ABTB2: variants seen among roughly 807,000 people sequenced by gnomAD.
ABTB2 encodes the protein ankyrin repeat and BTB domain containing 2, also known as ankyrin repeat and BTB/POZ domain-containing protein 2.
In ABTB2, 56 loss-of-function variants were observed where a neutral mutation model predicts 104.1. The observed-to-expected ratio is 0.54, with a 90% confidence interval of 0.43 to 0.67. ABTB2 has a LOEUF of 0.67. ABTB2 is among the 30% of genes least tolerant of loss of function. The pLI is 0.00. For synonymous variants in ABTB2, 606 were observed against 608.2 expected, an observed-to-expected ratio of 1.00 and a Z score of 0.05; for missense variants, 1,279 against 1,407.7, an observed-to-expected ratio of 0.91 and a Z score of 1.46.
At chr11:34,345,180 C>A (rs1425727930) in intron 1 of ABTB2, among the ~76,000 whole-genome samples, 2 of 152,224 alleles carry the variant, frequency 1.3e-5, no homozygotes, top group Non-Finnish European at 1.5e-5. Context: ...GCCTACCCCA[C>A]TAACCACCCC....
chr11:34,237,655 G>C (rs1853863252), intron 1 of ABTB2, among the ~76,000 whole-genome samples: 1 of 152,184 alleles, frequency 6.6e-6, no homozygotes, highest in Non-Finnish European at 1.5e-5. Flanking sequence ...AGCACTTTGG[G>C]AGGCCAAGGT....
At chr11:34,312,150 A>AAAAAG (rs2133105692) in intron 1 of ABTB2, among the ~76,000 whole-genome samples, 1 of 151,874 alleles carries the variant, frequency 6.6e-6, no homozygotes, top group East Asian at 1.9e-4. Context: ...CAAAAAAAAA[A>AAAAAG]AAAAAGAAAA....
chr11:34,324,063 A>C (rs539672485), intron 1 of ABTB2, among the ~76,000 whole-genome samples: 1 of 151,914 alleles, frequency 6.6e-6, no homozygotes, highest in African/African-American at 2.4e-5. Flanking sequence ...GGTGCCTGCC[A>C]CCATACCCAG....
At chr11:34,262,028 C>T (rs532848195) in intron 1 of ABTB2, among the ~76,000 whole-genome samples, 1 of 152,244 alleles carries the variant, frequency 6.6e-6, no homozygotes, top group South Asian at 2.1e-4. Context: ...ACAGTGAGTC[C>T]AGCACCCAAC....
Position 34,197,466 on chromosome 11 carries a change from C to T in ABTB2, c.1103G>A (p.Arg368His), listed in dbSNP as rs560825781. The T allele has an allele frequency of 2.2e-5, 35 of 1,588,668 alleles. No homozygotes were observed. The highest frequency in any genetic ancestry group is 1.9e-4 in the African/African-American group (14 of 74,394). Residue 368 changes from arginine to histidine, a missense_variant, in exon 3 of 17, where the codon CGC becomes CAC. Transcript: ENST00000435224. ...GGGCTGTGGCGGCTGGCGGGCCTGG[C>T]GGGCAGGGCTGGCACCCGGGCACAG... ...HPLCPGASPA[R>H]QARQPPQPIT... is the part of the protein sequence containing the mutation.
chr11:34,262,574 G>A (rs1854200242), intron 1 of ABTB2, among the ~76,000 whole-genome samples: 1 of 152,038 alleles, frequency 6.6e-6, no homozygotes. Context: ...CAAATCTATC[G>A]CCAGCCCACC....
rs1216120119 is a variant in ABTB2 at position 34,161,040 on chromosome 11, T to A, written c.2260A>T (p.Thr754Ser). ...KLHIWIESLRTSFSQSRYSVV... is the reference protein window; with the variant it reads ...KLHIWIESLRSSFSQSRYSVV... ...GAGTACCGCGACTGCGAGAACGAGG[T>A]CCTCAGAGACTCGATCCAGATGTGC... is the stretch of plus-strand genomic sequence containing the variant. Residue 754 changes from threonine to serine, a missense_variant, in exon 11 of 17, where the codon ACC becomes TCC. By Grantham distance (58) the Thr-to-Ser change is moderately conservative. Coordinates refer to ENST00000435224, the MANE Select transcript of ABTB2 (RefSeq NM_145804.3). 2 of 1,610,616 alleles carry A rather than the reference T, an allele frequency of 1.2e-6. No homozygotes were observed. The highest frequency in any genetic ancestry group is 1.7e-6 in the Non-Finnish European group (2 of 1,179,064).
At chr11:34,277,479 T>TAAA (rs201314445) in intron 1 of ABTB2, among the ~76,000 whole-genome samples, 1 of 143,956 alleles carries the variant, frequency 6.9e-6, no homozygotes, top group Admixed American at 7.0e-5. Flanking sequence ...ATGTCTTATT[T>TAAA]AAAAAAAAAA....
intron 1 of ABTB2, among the ~76,000 whole-genome samples, chr11:34,279,835 C>T (rs1854429386): frequency 7.1e-6 from 1 of 140,228 alleles, no homozygotes; most frequent in Admixed American, 7.7e-5. Flanking sequence ...GTCACCCAGG[C>T]TGGAGTGCAA....
At chr11:34,167,795 C>T (rs1456709916) in intron 6 of ABTB2, 108 bp downstream of exon 6, 3 of 1,146,070 alleles carry the variant, frequency 2.6e-6, no homozygotes, top group Middle Eastern at 2.3e-4. Context: ...TCTTTTGACA[C>T]ACATCTACTC....
At chr11:34,187,511 T>TC (rs1465630536) in intron 3 of ABTB2, among the ~76,000 whole-genome samples, 1 of 151,416 alleles carries the variant, frequency 6.6e-6, no homozygotes, top group Non-Finnish European at 1.5e-5. Flanking sequence ...TTTTTTTTTT[T>TC]TGGTGAGATG....
chr11:34,343,452 C>G (rs888924345), intron 1 of ABTB2, among the ~76,000 whole-genome samples: 1 of 93,992 alleles, frequency 1.1e-5, no homozygotes. Flanking sequence ...TTAAGACAGA[C>G]AGACAGACAC....
intron 11 of ABTB2, 71 bp from the exon 12 acceptor site, chr11:34,160,424 G>T: frequency 8.8e-7 from 1 of 1,134,086 alleles, no homozygotes; most frequent in Non-Finnish European, 1.3e-6. Context: ...AGATACGTCA[G>T]GCTAATTTCA....
intron 14 of ABTB2, among the ~76,000 whole-genome samples, chr11:34,156,263 A>G (rs1215694420): frequency 6.6e-6 from 1 of 152,182 alleles, no homozygotes; most frequent in Non-Finnish European, 1.5e-5. Context: ...GAGCCTTGCT[A>G]TGGGAGCTGG....
At chr11:34,241,730 T>A (rs1853918463) in intron 1 of ABTB2, among the ~76,000 whole-genome samples, 1 of 152,204 alleles carries the variant, frequency 6.6e-6, no homozygotes, top group Non-Finnish European at 1.5e-5. Flanking sequence ...CCATCTCAAT[T>A]TTCTTCAGAA....
chr11:34,251,777 C>T (rs571944124), intron 1 of ABTB2, among the ~76,000 whole-genome samples: 6 of 152,192 alleles, frequency 3.9e-5, no homozygotes, highest in African/African-American at 1.4e-4. Flanking sequence ...CACAACTGTT[C>T]CTCAGGAAAC....
Position 34,357,609 on chromosome 11 carries a change from C to A in ABTB2, c.-26G>T. On this transcript the variant is annotated 5_prime_UTR_variant, in exon 1 of 17. Transcript: ENST00000435224. Reference sequence around the variant, plus strand: ...GGGGAGCCTGCCGAGGGCGGCGTCGCCGAGCGAGGGGCACTCACAACTCCA... The same window carrying A: ...GGGGAGCCTGCCGAGGGCGGCGTCGACGAGCGAGGGGCACTCACAACTCCA... 1 of 1,487,690 alleles carries A rather than the reference C, an allele frequency of 6.7e-7. No individual in the cohort carries two copies. The highest frequency in any genetic ancestry group is 8.9e-7 in the Non-Finnish European group (1 of 1,117,492). 92.2% of individuals were successfully genotyped at this position (1,487,690 alleles called of 1,614,324 possible).
intron 3 of ABTB2, among the ~76,000 whole-genome samples, chr11:34,195,463 C>T (rs73507454): frequency 0.023 from 3,431 of 152,306 alleles, 89 homozygotes; most frequent in African/African-American, 0.058. Flanking sequence ...GGTGGCCCTC[C>T]TCAGACTTGC....
At chr11:34,155,439 G>C (rs1297223020) in intron 14 of ABTB2, among the ~76,000 whole-genome samples, 1 of 152,252 alleles carries the variant, frequency 6.6e-6, no homozygotes, top group Non-Finnish European at 1.5e-5. Context: ...GACCGGGAAC[G>C]ATTTAGTTCT....
Sources: gnomAD v4.1 joint callset for allele counts (sites outside exome capture counted in the v4.1 genomes callset) on GRCh38, gnomAD v4.1.1 for gene constraint, MANE v1.5 for transcripts, NCBI Gene and HGNC (gene_info 2026-07-23, HGNC 2026-07-21) for gene names.